The following FYN variants were observed in gnomAD, a reference collection of about 807,000 sequenced individuals.
The protein encoded by FYN is FYN proto-oncogene, Src family tyrosine kinase.
In FYN, 10 loss-of-function variants were observed where a neutral mutation model predicts 70.2. The observed-to-expected ratio is 0.14, with a 90% CI of 0.09 to 0.24. The LOEUF (loss-of-function observed/expected upper bound fraction) is 0.24. Among genes scored for constraint, FYN ranks in the 10% least tolerant of loss-of-function variants. The probability of loss-of-function intolerance (pLI) is 1.00; values close to 1 mark genes in which losing one functional copy is unlikely to be tolerated. For synonymous variants in FYN, 236 were observed against 248.6 expected, an observed-to-expected ratio of 0.95 and a Z score of 0.48; for missense variants, 319 against 673.1, an observed-to-expected ratio of 0.47 and a Z score of 5.82.
intron 2 of FYN, among the ~76,000 whole-genome samples, chr6:111,826,287 T>C (rs1425931687): frequency 2.0e-5 from 3 of 152,162 alleles, no homozygotes; most frequent in East Asian, 3.9e-4. Flanking sequence ...GGAGGTATGT[T>C]AGCATCTGGG....
intron 1 of FYN, among the ~76,000 whole-genome samples, chr6:111,850,847 G>A (rs1004332585): frequency 6.6e-6 from 1 of 152,194 alleles, no homozygotes; most frequent in African/African-American, 2.4e-5. Context: ...TGGGTTAGGC[G>A]CCTGAGACAG....
At chr6:111,702,804 C>A in intron 8 of FYN, 81 bp downstream of exon 8, 2 of 1,380,334 alleles carry the variant, frequency 1.4e-6, no homozygotes, top group East Asian at 4.6e-5. Flanking sequence ...ATTAGTTTTA[C>A]CCCTTTCCAC....
At position 111,712,236 on chromosome 6, in the gene FYN, C is replaced by T. The variant is rs147892364; in HGVS notation, c.344+2111G>A. Among the ~76,000 whole-genome samples, 88 of 152,326 alleles carry T rather than the reference C, an allele frequency of 5.8e-4. 1 individual carries two copies. Among genetic ancestry groups the T allele is most frequent in the African/African-American group, 1.9e-3 (79 of 41,554 alleles). On this transcript the variant is annotated intron_variant, in intron 5 of 13. Coordinates refer to ENST00000354650, the MANE Select transcript of FYN (RefSeq NM_002037.5). ...GCCTCCTGAGAGCTGGGTCTGCACT[C>T]TTACTATTCCTTGGTTCTTGCAGTT...
chr6:111,790,087 A>C (rs1771554915), intron 2 of FYN, among the ~76,000 whole-genome samples: 1 of 142,172 alleles, frequency 7.0e-6, no homozygotes, highest in Admixed American at 6.8e-5. Context: ...CTTTAGTATC[A>C]GAACTGTGTG....
intron 7 of FYN, among the ~76,000 whole-genome samples, chr6:111,703,544 T>C (rs916358736): frequency 6.6e-6 from 1 of 152,220 alleles, no homozygotes. Flanking sequence ...CACTACTCTT[T>C]TCTTCCTTGA....
chr6:111,778,762 G>A (rs1194270025), intron 3 of FYN, among the ~76,000 whole-genome samples: 1 of 151,890 alleles, frequency 6.6e-6, no homozygotes, highest in Non-Finnish European at 1.5e-5. Context: ...CTAAAGTGCT[G>A]GGATTGCAGG....
At position 111,661,955 on chromosome 6, in the gene FYN, G is replaced by A. The variant is rs761107819; in HGVS notation, c.1406-8C>T. On this transcript the variant is annotated splice_polypyrimidine_tract_variant and splice_region_variant and intron_variant, in intron 13 of 13. Transcript: ENST00000354650. This position sits in a 1 kb window ranked among gnomAD's most constrained non-coding sequence, Gnocchi z 4.0. ...CCTCCCGGTTGTTCATGCCTGCAAAGACAAGCGCAGTGAGAGTGGGCACCC... is the reference window on the plus strand; with the variant it reads ...CCTCCCGGTTGTTCATGCCTGCAAAAACAAGCGCAGTGAGAGTGGGCACCC... 19 of 1,599,038 alleles carry A rather than the reference G, an allele frequency of 1.2e-5. No individual in the cohort carries two copies. The highest frequency in any genetic ancestry group is 1.5e-5 in the Non-Finnish European group (17 of 1,171,476).
chr6:111,855,072 G>A (rs973620263), intron 1 of FYN, among the ~76,000 whole-genome samples: 13 of 152,068 alleles, frequency 8.5e-5, no homozygotes, highest in Non-Finnish European at 1.3e-4. Flanking sequence ...AAAGTGAAAC[G>A]ATGACTTTAA....
intron 12 of FYN, 59 bp from the exon 13 acceptor site, chr6:111,674,689 G>A: frequency 1.3e-6 from 2 of 1,558,816 alleles, no homozygotes; most frequent in Non-Finnish European, 1.7e-6. Flanking sequence ...GGCATGGGGT[G>A]TGGGAGGGAA....
chr6:111,807,388 T>C (rs899834584), intron 2 of FYN, among the ~76,000 whole-genome samples: 10 of 152,218 alleles, frequency 6.6e-5, no homozygotes, highest in African/African-American at 2.4e-4. Context: ...CAGTTCACTG[T>C]TGTTAACAAG....
intron 2 of FYN, among the ~76,000 whole-genome samples, chr6:111,826,067 A>G (rs1772825488): frequency 6.6e-6 from 1 of 152,186 alleles, no homozygotes; most frequent in South Asian, 2.1e-4. Context: ...GGCGAAGGGA[A>G]AACAACTGAG....
At chr6:111,699,833 TG>T in intron 9 of FYN, 1 of 745,604 alleles carries the variant, frequency 1.3e-6, no homozygotes, top group Non-Finnish European at 2.1e-6. Context: ...GAACATTCCT[TG>T]GACCATTTGC....
intron 2 of FYN, among the ~76,000 whole-genome samples, chr6:111,817,386 C>T (rs1772522220): frequency 6.6e-6 from 1 of 152,166 alleles, no homozygotes; most frequent in Non-Finnish European, 1.5e-5. Context: ...CTTGATTTCT[C>T]AAGTACTATC....
chr6:111,853,507 A>G (rs1773743107), intron 1 of FYN, among the ~76,000 whole-genome samples: 1 of 152,184 alleles, frequency 6.6e-6, no homozygotes, highest in African/African-American at 2.4e-5. Context: ...ACAATCAGGC[A>G]AGAGCACAAA....
intron 3 of FYN, among the ~76,000 whole-genome samples, chr6:111,728,968 T>C (rs1020036274): frequency 1.3e-5 from 2 of 152,158 alleles, no homozygotes; most frequent in East Asian, 1.9e-4. Flanking sequence ...TATGGGAGAA[T>C]ATTGCCTTTG....
chr6:111,823,296 T>C (rs1772730929), intron 2 of FYN, among the ~76,000 whole-genome samples: 1 of 152,186 alleles, frequency 6.6e-6, no homozygotes, highest in South Asian at 2.1e-4. Context: ...CCGTGGCTGC[T>C]GAGAGGCCAT....
intron 2 of FYN, among the ~76,000 whole-genome samples, chr6:111,824,098 T>C (rs1241754903): frequency 1.3e-5 from 2 of 152,126 alleles, no homozygotes; most frequent in African/African-American, 4.8e-5. Flanking sequence ...AAAGGAAAAG[T>C]TTCAACTGCT....
intron 3 of FYN, among the ~76,000 whole-genome samples, chr6:111,752,983 G>C (rs1802554013): frequency 6.6e-6 from 1 of 152,126 alleles, no homozygotes; most frequent in South Asian, 2.1e-4. Context: ...TAGTGTAAGT[G>C]GGGGAAATTA....
intron 1 of FYN, among the ~76,000 whole-genome samples, chr6:111,860,820 C>A (rs1205270459): frequency 1.3e-5 from 2 of 152,168 alleles, no homozygotes; most frequent in East Asian, 3.9e-4. Context: ...AAGAGAACAA[C>A]CTCTAACACT....
Sources: allele counts gnomAD v4.1 joint callset (sites outside exome capture counted in the v4.1 genomes callset), GRCh38; gene constraint gnomAD v4.1.1; non-coding constraint Gnocchi (gnomAD v3.1); transcripts MANE v1.5; gene names NCBI Gene and HGNC (gene_info 2026-07-23, HGNC 2026-07-21).